The following FOXM1 variants were observed in gnomAD, a reference collection of about 807,000 sequenced individuals.
FOXM1 encodes forkhead box M1.
In FOXM1, 25 loss-of-function variants were observed where a neutral mutation model predicts 63.6. That is an observed-to-expected ratio of 0.39 (90% confidence interval 0.29 to 0.55). The LOEUF is 0.55. FOXM1 is among the 20% of genes least tolerant of loss of function. The pLI, the probability that FOXM1 is intolerant of heterozygous loss-of-function variation, is 0.60. For missense variants in FOXM1, 879 were observed against 958.7 expected (o/e 0.92, Z 1.10); for synonymous variants, 387 against 376.9 (o/e 1.03, Z -0.31).
Position 2,872,270 on chromosome 12 carries a change from C to T in FOXM1, c.503-23G>A. The T allele has an allele frequency of 6.2e-7, 1 of 1,612,648 alleles. No homozygotes were observed. ...CTGCTAGAGGGAAAATAATCCAACA[C>T]CCCACTTAGCTGCCTCATCAGATGC... On this transcript the variant is annotated intron_variant, in intron 2 of 8. Coordinates refer to ENST00000359843, the MANE Select transcript of FOXM1 (RefSeq NM_021953.4). This position sits in a 1 kb window ranked among gnomAD's most constrained non-coding sequence, Gnocchi z 4.0.
At chr12:2,866,119 T>C (rs750000357) in intron 5 of FOXM1, among the ~76,000 whole-genome samples, 76 of 152,304 alleles carry the variant, frequency 5.0e-4, no homozygotes, top group Non-Finnish European at 9.4e-4. Context: ...GCAATTCCCA[T>C]TCACAGGGAA....
At chr12:2,866,629 C>T (rs1393686608) in intron 4 of FOXM1, 108 bp from the exon 5 acceptor site, 2 of 1,202,720 alleles carry the variant, frequency 1.7e-6, no homozygotes, top group Non-Finnish European at 2.2e-6. Flanking sequence ...GTGCTCAGCA[C>T]AGGCTTCGTC....
Position 2,872,850 on chromosome 12 carries a change from C to T in FOXM1, c.503-603G>A, listed in dbSNP as rs996024661. Among the ~76,000 whole-genome samples, 10 of 151,988 alleles carry T rather than the reference C, an allele frequency of 6.6e-5. No homozygotes were observed. Among genetic ancestry groups the T allele is most frequent in the Non-Finnish European group, 1.3e-4 (9 of 68,006 alleles). Reference sequence around the variant, plus strand: ...TGAGATATGCACACCAAAAAAGTCACTTTTCAGCCTGGGCAATATAGTGGG... The same window carrying T: ...TGAGATATGCACACCAAAAAAGTCATTTTTCAGCCTGGGCAATATAGTGGG... On this transcript the variant is annotated intron_variant, in intron 2 of 8. Coordinates refer to ENST00000359843, the MANE Select transcript of FOXM1 (RefSeq NM_021953.4). This position sits in a 1 kb window ranked among gnomAD's most constrained non-coding sequence, Gnocchi z 4.0.
chr12:2,870,822 G>C (rs975527669), intron 3 of FOXM1, among the ~76,000 whole-genome samples: 1 of 151,948 alleles, frequency 6.6e-6, no homozygotes, highest in Non-Finnish European at 1.5e-5. Flanking sequence ...AGCCGGGCGT[G>C]GCAGCGGGCA....
rs1415819814 is a variant in FOXM1 at position 2,874,670 on chromosome 12, C to T, written c.-47-145G>A. The T allele has an allele frequency of 1.3e-5, 8 of 610,670 alleles. No individual in the cohort carries two copies. Among genetic ancestry groups the T allele is most frequent in the Non-Finnish European group, 2.0e-5 (7 of 352,958 alleles). 37.8% of individuals were successfully genotyped at this position (610,670 alleles called of 1,614,324 possible). Reference sequence around the variant, plus strand: ...ATTCCATGGACTTTTGTAAAGACCTCAGATAATAAGGAGATAAGCTTTACT... The same window carrying T: ...ATTCCATGGACTTTTGTAAAGACCTTAGATAATAAGGAGATAAGCTTTACT... On this transcript the variant is annotated intron_variant, in intron 1 of 8. Transcript: ENST00000359843. This position sits in a 1 kb window ranked among gnomAD's most constrained non-coding sequence, Gnocchi z 4.3.
chr12:2,864,014 T>C lies in FOXM1; in HGVS notation c.1266+306A>G. On this transcript the variant is annotated intron_variant, in intron 8 of 8. Transcript: ENST00000359843. This position sits in a 1 kb window ranked among gnomAD's most constrained non-coding sequence, Gnocchi z 5.1. ...GCCACAGCGCCCGGCCAAATCCATC[T>C]CTTTCTAAGGCCTGCCTCCCTTGTG... The C allele has an allele frequency of 3.8e-6, 1 of 260,256 alleles. No individual in the cohort carries two copies. Among genetic ancestry groups the C allele is most frequent in the South Asian group, 7.4e-5 (1 of 13,562 alleles). The allele number at this position is 260,256 out of a possible 1,614,324, so 16.1% of individuals were successfully genotyped here. A position where few individuals can be genotyped will look rare whatever the true frequency, so the allele number is the denominator to read the frequency against.
At position 2,861,863 on chromosome 12, in the gene FOXM1, A is replaced by G. The variant is rs139980933; in HGVS notation, c.1267-2200T>C. Among the ~76,000 whole-genome samples the G allele has an allele frequency of 2.5e-3, 385 of 152,320 alleles. 3 individuals carry two copies. The highest frequency in any genetic ancestry group is 8.5e-3 in the African/African-American group (355 of 41,574). On this transcript the variant is annotated intron_variant, in intron 8 of 8. Transcript: ENST00000359843. ...GACTATGCCAAGTGACTTGGAAGAA[A>G]TTCCATGAGGCATTGTTGAGTTAGA...
At chr12:2,865,566 A>C (rs949227932) in intron 5 of FOXM1, among the ~76,000 whole-genome samples, 167 bp from the exon 6 acceptor site, 1 of 150,558 alleles carries the variant, frequency 6.6e-6, no homozygotes, top group African/African-American at 2.4e-5. Flanking sequence ...CCTTATGGGC[A>C]CTCTGAAAAA....
chr12:2,869,441 T>C (rs2098129055), intron 3 of FOXM1, among the ~76,000 whole-genome samples: 1 of 151,734 alleles, frequency 6.6e-6, no homozygotes, highest in South Asian at 2.1e-4. Flanking sequence ...AGCTAATTTT[T>C]TTTTTTTTTT....
Position 2,874,458 on chromosome 12 carries a change from C to T in FOXM1, c.21G>A (p.Arg7=), listed in dbSNP as rs889211465. The change falls in exon 2 of 9, where the codon CGG becomes CGA. Residue 7 remains arginine (R), a synonymous_variant. Coordinates refer to ENST00000359843, the MANE Select transcript of FOXM1 (RefSeq NM_021953.4). This position sits in a 1 kb window ranked among gnomAD's most constrained non-coding sequence, Gnocchi z 4.3. Reference sequence around the variant, plus strand: ...GCCTCCGTCTTTTGAGAATCAGTGGCCGACGGGGGCTAGTTTTCATTATGA... The same window carrying T: ...GCCTCCGTCTTTTGAGAATCAGTGGTCGACGGGGGCTAGTTTTCATTATGA... MKTSPR[R]PLILKRRRLP... 1.2e-6 allele frequency: 2 copies of T among 1,610,122 alleles called. No homozygotes were observed. The highest frequency in any genetic ancestry group is 1.7e-6 in the Non-Finnish European group (2 of 1,178,172).
rs763018680 is a variant in FOXM1 at position 2,874,123 on chromosome 12, G to A, written c.356C>T (p.Pro119Leu). Residue 119 changes from proline to leucine, a missense_variant, in exon 2 of 9, where the codon CCA (proline) becomes CTA (leucine). By Grantham distance (98) the Pro-to-Leu change is moderately conservative (BLOSUM62 -3). This residue lies in a region of FOXM1 where 255 missense variants were observed against 292.4 expected (regional missense o/e 0.87). Coordinates refer to ENST00000359843, the MANE Select transcript of FOXM1 (RefSeq NM_021953.4). The surrounding 1 kb of genome is among the most constrained non-coding windows in gnomAD (Gnocchi z 4.3). ...GGTTTGGGTTTGAGGCCGGAGTCCT[G>A]GAGGCTGAGTTGGGGCTCCCCCACA... is the stretch of plus-strand genomic sequence containing the variant. The part of the protein sequence containing the change: ...ISCGGAPTQP[P>L]GLRPQTQTSY... The A allele has an allele frequency of 1.2e-6, 2 of 1,614,194 alleles. No individual in the cohort carries two copies. Among genetic ancestry groups the A allele is most frequent in the Admixed American group, 3.3e-5 (2 of 60,010 alleles).
In FOXM1 at chr12:2,875,791, G is replaced by A. The variant is rs1309757217; in HGVS notation, c.-48+1129C>T. 3.6e-5 allele frequency among the ~76,000 whole-genome samples: 5 copies of A among 140,770 alleles called. No homozygotes were observed. In the East Asian group the frequency reaches 6.2e-4, roughly 17 times the overall value. 92.4% of individuals were successfully genotyped at this position (140,770 alleles called of 152,430 possible). On this transcript the variant is annotated intron_variant, in intron 1 of 8. Coordinates refer to ENST00000359843, the MANE Select transcript of FOXM1 (RefSeq NM_021953.4). ...TTTTTTTTTTTTGAGACGGAGCTTCGCTCTTGTCACCCAGGCTGGAGTGCA... is the reference window on the plus strand; with the variant it reads ...TTTTTTTTTTTTGAGACGGAGCTTCACTCTTGTCACCCAGGCTGGAGTGCA...
intron 8 of FOXM1, among the ~76,000 whole-genome samples, chr12:2,863,073 A>G (rs1037994451): frequency 6.6e-6 from 1 of 152,100 alleles, no homozygotes; most frequent in Admixed American, 6.5e-5. Context: ...GTGATACTCA[A>G]GCAGGGGTGA....
chr12:2,872,894 G>GA lies in FOXM1; in HGVS notation c.503-648dup, dbSNP rs906379966. Among the ~76,000 whole-genome samples, 22 of 148,412 alleles carry GA rather than the reference G, an allele frequency of 1.5e-4. No homozygotes were observed. The highest frequency in any genetic ancestry group is 5.2e-4 in the African/African-American group (21 of 40,380). ...TAGTGGGACCCCATCTCTGCAAAAAGAAAAAAAAAATTAACTGGGAATGAT... is the reference window on the plus strand; with the variant it reads ...TAGTGGGACCCCATCTCTGCAAAAAGAAAAAAAAAAATTAACTGGGAATGAT... On this transcript the variant is annotated intron_variant, in intron 2 of 8. Coordinates refer to ENST00000359843, the MANE Select transcript of FOXM1 (RefSeq NM_021953.4). This position sits in a 1 kb window ranked among gnomAD's most constrained non-coding sequence, Gnocchi z 4.0.
chr12:2,875,707 T>C (rs1422254871), intron 1 of FOXM1, among the ~76,000 whole-genome samples: 1 of 151,674 alleles, frequency 6.6e-6, no homozygotes, highest in Non-Finnish European at 1.5e-5. Context: ...AAGGTGGTTC[T>C]GAAATGCTAA....
intron 5 of FOXM1, 115 bp downstream of exon 5, chr12:2,866,278 G>A: frequency 1.8e-6 from 2 of 1,084,082 alleles, no homozygotes; most frequent in South Asian, 2.6e-5. Flanking sequence ...TGGGTGGCTG[G>A]CTTCTAACTC....
rs1252936712 is a variant in FOXM1 at position 2,858,444 on chromosome 12, C to G, written c.*194G>C. The G allele has an allele frequency of 1.8e-6, 1 of 561,986 alleles. No homozygotes were observed. Among genetic ancestry groups the G allele is most frequent in the Non-Finnish European group, 3.1e-6 (1 of 317,680 alleles). The allele number at this position is 561,986 out of a possible 1,614,324, so 34.8% of individuals were successfully genotyped here. ...CTCCTGGCAGGGACAGCAGAGGAATCAGATACTCTTGGGGAACACAAGGTC... is the reference window on the plus strand; with the variant it reads ...CTCCTGGCAGGGACAGCAGAGGAATGAGATACTCTTGGGGAACACAAGGTC... On this transcript the variant is annotated 3_prime_UTR_variant, in exon 9 of 9. Coordinates refer to ENST00000359843, the MANE Select transcript of FOXM1 (RefSeq NM_021953.4).
In FOXM1 at chr12:2,858,493, G is replaced by T; in HGVS notation, c.*145C>A. 3.0e-6 allele frequency: 2 copies of T among 673,604 alleles called. No individual in the cohort carries two copies. The highest frequency in any genetic ancestry group is 2.7e-5 in the East Asian group (1 of 36,620). The allele number at this position is 673,604 out of a possible 1,614,324, so 41.7% of individuals were successfully genotyped here. A position where few individuals can be genotyped will look rare whatever the true frequency, so the allele number is the denominator to read the frequency against. ...TCCCAGCAGTGGCTAGGGTGTGACT[G>T]CTACTTTTGCATAATCAGGCAGCAG... On this transcript the variant is annotated 3_prime_UTR_variant, in exon 9 of 9. Transcript: ENST00000359843.
rs2098097925 is a variant in FOXM1, at chr12:2,858,672, ATGT to A, written c.2255_2257del (p.Asn752del). On this transcript the variant is annotated inframe_deletion, in exon 9 of 9. Coordinates refer to ENST00000359843, the MANE Select transcript of FOXM1 (RefSeq NM_021953.4). ...CTCAGGAATAAACTGGGACCAGTTGATGTTGTCAGGGCCCAGTGGGTCCTCGTC... is the reference window on the plus strand; with the variant it reads ...CTCAGGAATAAACTGGGACCAGTTGATGTCAGGGCCCAGTGGGTCCTCGTC... The A allele has an allele frequency of 1.9e-6, 3 of 1,614,118 alleles. No homozygotes were observed.
Sources: allele counts gnomAD v4.1 joint callset (sites outside exome capture counted in the v4.1 genomes callset), GRCh38; gene constraint gnomAD v4.1.1; regional missense constraint gnomAD v4.1.1; non-coding constraint Gnocchi (gnomAD v3.1); transcripts MANE v1.5; gene names NCBI Gene and HGNC (gene_info 2026-07-23, HGNC 2026-07-21).